OCIAD1: variants seen among roughly 807,000 people sequenced by gnomAD.
OCIAD1 encodes the protein OCIA domain containing 1.
OCIAD1 carries 29 observed loss-of-function variants against 38.9 expected under a neutral mutation model. That is an observed-to-expected ratio of 0.74 (90% CI 0.55 to 1.02). The LOEUF (loss-of-function observed/expected upper bound fraction) is 1.02, where lower values mean the gene tolerates loss of function less well. Ranked by LOEUF, OCIAD1 falls within the 50% of genes least tolerant of loss-of-function variation. OCIAD1 has a pLI of 0.00. For synonymous variants in OCIAD1, 110 were observed against 92.0 expected, an observed-to-expected ratio of 1.20 and a Z score of -1.12; for missense variants, 288 against 289.6, an observed-to-expected ratio of 0.99 and a Z score of 0.04.
chr4:48,841,863 A>G (rs754299756), intron 3 of OCIAD1, among the ~76,000 whole-genome samples: 4 of 152,200 alleles, frequency 2.6e-5, no homozygotes, highest in Non-Finnish European at 5.9e-5. Context: ...ATATATATAT[A>G]TAGATGTAAT....
At chr4:48,806,753 G>A (rs549551092) in intron 1 of OCIAD1, among the ~76,000 whole-genome samples, 4 of 148,578 alleles carry the variant, frequency 2.7e-5, no homozygotes, top group Admixed American at 6.7e-5. Flanking sequence ...CTACAGGTGC[G>A]TGCCACCATG....
intron 1 of OCIAD1, among the ~76,000 whole-genome samples, chr4:48,822,535 T>C (rs1294230996): frequency 6.6e-6 from 1 of 152,062 alleles, no homozygotes; most frequent in East Asian, 1.9e-4. Flanking sequence ...AAAGCCAAAA[T>C]TGACAAATGG....
At chr4:48,826,616 T>C (rs1009249292), upstream of OCIAD1, among the ~76,000 whole-genome samples, 2 of 152,242 alleles carry the variant, frequency 1.3e-5, no homozygotes, top group South Asian at 2.1e-4. Flanking sequence ...AGGTAATGAA[T>C]ATGCTAGTTA....
intron 1 of OCIAD1, among the ~76,000 whole-genome samples, chr4:48,813,759 T>C (rs1777114584): frequency 6.6e-6 from 1 of 152,260 alleles, no homozygotes; most frequent in Non-Finnish European, 1.5e-5. Context: ...AACTTACTTC[T>C]ATATCAGAAA....
intron 6 of OCIAD1, among the ~76,000 whole-genome samples, chr4:48,851,249 T>G (rs748306148): frequency 6.6e-5 from 10 of 152,254 alleles, no homozygotes; most frequent in Non-Finnish European, 1.3e-4. Context: ...TAAAATTATC[T>G]TGAAAGGCTG....
chr4:48,851,751 T>G, intron 6 of OCIAD1, 55 bp from the exon 7 acceptor site: 1 of 980,674 alleles, frequency 1.0e-6, no homozygotes, highest in Non-Finnish European at 1.6e-6. Context: ...TAACACTTCT[T>G]TAAGATATAG....
intron 1 of OCIAD1, among the ~76,000 whole-genome samples, chr4:48,819,237 C>T (rs2109493451): frequency 1.3e-5 from 2 of 152,218 alleles, no homozygotes; most frequent in Middle Eastern, 6.8e-3. Context: ...TCTGCAGAAA[C>T]CCTACAAGCC....
At chr4:48,833,536 T>G in intron 3 of OCIAD1, 55 bp downstream of exon 3, 1 of 1,126,798 alleles carries the variant, frequency 8.9e-7, no homozygotes, top group Non-Finnish European at 1.3e-6. Flanking sequence ...ACCTGAAATT[T>G]TGACTTGAAT....
At chr4:48,824,167 G>T (rs1777225605) in intron 1 of OCIAD1, among the ~76,000 whole-genome samples, 1 of 151,900 alleles carries the variant, frequency 6.6e-6, no homozygotes, top group African/African-American at 2.4e-5. Flanking sequence ...TTTTTGTAGA[G>T]ATGGGTTTTT....
chr4:48,811,722 G>C (rs915141834), intron 1 of OCIAD1, among the ~76,000 whole-genome samples: 64 of 152,280 alleles, frequency 4.2e-4, no homozygotes, highest in African/African-American at 1.5e-3. Context: ...TCCAATAGGA[G>C]TCACAAAGAA....
chr4:48,823,159 G>A (rs921097177), intron 1 of OCIAD1, among the ~76,000 whole-genome samples: 2 of 152,142 alleles, frequency 1.3e-5, no homozygotes, highest in African/African-American at 2.4e-5. Flanking sequence ...ATCAATGATA[G>A]ACCGGATAAA....
Position 48,851,845 on chromosome 4 carries a change from T to C in OCIAD1, c.417T>C (p.Ser139=). Residue 139 remains serine (S), a synonymous_variant, in exon 7 of 9, where the codon AGT becomes AGC. Transcript: ENST00000264312. ...AGTCAAAATATGACTCAAGTGTGAGTGGTCAATCATCTTTTGTGACATCCC... is the reference window on the plus strand; with the variant it reads ...AGTCAAAATATGACTCAAGTGTGAGCGGTCAATCATCTTTTGTGACATCCC... The part of the protein sequence containing the change: ...YQKSKYDSSV[S]GQSSFVTSPA... 6.2e-7 allele frequency: 1 copy of C among 1,613,310 alleles called. No homozygotes were observed. Among genetic ancestry groups the C allele is most frequent in the Non-Finnish European group, 8.5e-7 (1 of 1,179,440 alleles).
intron 6 of OCIAD1, among the ~76,000 whole-genome samples, chr4:48,850,730 C>T (rs534009181): frequency 1.5e-4 from 23 of 152,134 alleles, no homozygotes; most frequent in South Asian, 4.1e-4. Context: ...TACACCACCA[C>T]GCCTAGCTAA....
Position 48,822,735 on chromosome 4 carries a change from G to A in OCIAD1, c.-102-7842G>A, listed in dbSNP as rs565868299. Among the ~76,000 whole-genome samples, 5 of 152,250 alleles carry A rather than the reference G, an allele frequency of 3.3e-5. No homozygotes were observed. In the South Asian group the frequency reaches 6.2e-4, roughly 19 times the overall value. On this transcript the variant is annotated intron_variant, in intron 1 of 6. Transcript: ENST00000504654. ...CCATCAAAAAGTGGGCAAAGGATAC[G>A]AACAGACACTTCTCAAAAGAAGACA...
chr4:48,843,208 C>G (rs1313230836), intron 4 of OCIAD1, among the ~76,000 whole-genome samples: 1 of 152,138 alleles, frequency 6.6e-6, no homozygotes, highest in East Asian at 1.9e-4. Flanking sequence ...AGGAGACTTT[C>G]TTGTCCTAAA....
intron 1 of OCIAD1, among the ~76,000 whole-genome samples, chr4:48,808,222 C>T (rs2109484913): frequency 6.6e-6 from 1 of 152,294 alleles, no homozygotes; most frequent in African/African-American, 2.4e-5. Flanking sequence ...AAGCCCAGCA[C>T]TTTGGGAGGC....
At chr4:48,855,015 C>T (rs1029490141) in intron 7 of OCIAD1, among the ~76,000 whole-genome samples, 7 of 152,154 alleles carry the variant, frequency 4.6e-5, no homozygotes, top group African/African-American at 1.7e-4. Flanking sequence ...ATGTTCTCTC[C>T]ATAGTGTGGG....
intron 3 of OCIAD1, among the ~76,000 whole-genome samples, chr4:48,840,684 G>T (rs1339301862): frequency 6.6e-6 from 1 of 152,132 alleles, no homozygotes; most frequent in Non-Finnish European, 1.5e-5. Context: ...CATGAGCTAA[G>T]AATTGTTTTT....
intron 1 of OCIAD1, among the ~76,000 whole-genome samples, chr4:48,823,460 T>G (rs1777214805): frequency 6.6e-6 from 1 of 151,702 alleles, no homozygotes; most frequent in Non-Finnish European, 1.5e-5. Flanking sequence ...GTTTAAAACC[T>G]AGATGGAAGG....
Sources: gnomAD v4.1 joint callset for allele counts (sites outside exome capture counted in the v4.1 genomes callset) on GRCh38, gnomAD v4.1.1 for gene constraint, MANE v1.5 for transcripts, NCBI Gene and HGNC (gene_info 2026-07-23, HGNC 2026-07-21) for gene names.